CEP63: variants seen among roughly 807,000 people sequenced by gnomAD.
CEP63 encodes the protein centrosomal protein 63, also known as centrosomal protein of 63 kDa.
A neutral mutation model predicts 89.1 loss-of-function variants in CEP63; 84 were observed. The ratio of observed to expected loss-of-function variants is 0.94; its 90% confidence interval spans 0.79 to 1.13. CEP63 has a LOEUF of 1.13. Ranked by LOEUF, CEP63 falls within the 50% of genes most tolerant of loss-of-function variation. The pLI, the probability that CEP63 is intolerant of heterozygous loss-of-function variation, is 0.00. For missense variants in CEP63, 838 were observed against 813.3 expected, an observed-to-expected ratio of 1.03 and a Z score of -0.37; for synonymous variants, 267 against 272.5, an observed-to-expected ratio of 0.98 and a Z score of 0.20.
chr3:134,502,082 G>T (rs972839843), intron 2 of CEP63, among the ~76,000 whole-genome samples: 16 of 152,068 alleles, frequency 1.1e-4, no homozygotes, highest in Non-Finnish European at 2.2e-4. Flanking sequence ...GTCTATTGAG[G>T]TGATCATATG....
At chr3:134,543,496 A>T (rs986614865) in intron 6 of CEP63, among the ~76,000 whole-genome samples, 20 of 152,248 alleles carry the variant, frequency 1.3e-4, no homozygotes, top group Middle Eastern at 3.2e-3. Context: ...TTCAAAACTG[A>T]GAAGTTTATT....
At chr3:134,703,245 G>A in the CEP63 span, among the ~76,000 whole-genome samples, 6 of 145,576 alleles carry the variant, frequency 4.1e-5, no homozygotes, top group African/African-American at 1.5e-4. Flanking sequence ...GCACTGAGCC[G>A]AGATAGCGCC....
intron 1 of CEP63, among the ~76,000 whole-genome samples, chr3:134,493,820 G>T (rs867295506): frequency 6.6e-6 from 1 of 152,176 alleles, no homozygotes; most frequent in Middle Eastern, 3.4e-3. Flanking sequence ...ATTGAATTAC[G>T]TGTTGAGTAA....
the CEP63 span, among the ~76,000 whole-genome samples, chr3:134,638,840 A>C: frequency 5.9e-5 from 9 of 152,078 alleles, no homozygotes; most frequent in African/African-American, 1.9e-4. Context: ...AACAGGTTTC[A>C]TGTTTTTCAT....
chr3:134,601,600 C>T, the CEP63 span, among the ~76,000 whole-genome samples: 1 of 152,208 alleles, frequency 6.6e-6, no homozygotes, highest in African/African-American at 2.4e-5. Flanking sequence ...TGTTATGCCT[C>T]CGGGGCCTTT....
intron 1 of CEP63, chr3:134,488,063 T>C (rs1936255834): frequency 6.6e-6 from 1 of 152,252 alleles, no homozygotes; most frequent in Non-Finnish European, 1.5e-5. Flanking sequence ...GTCCGTGGCC[T>C]GTTAGGAACC....
intron 10 of CEP63, among the ~76,000 whole-genome samples, chr3:134,549,747 T>G (rs1331906335): frequency 6.6e-6 from 1 of 152,146 alleles, no homozygotes; most frequent in Non-Finnish European, 1.5e-5. Flanking sequence ...ACTTTTAGAT[T>G]CACAACTAAA....
At chr3:134,579,623 T>C (rs1958296976), downstream of CEP63, among the ~76,000 whole-genome samples, 1 of 152,240 alleles carries the variant, frequency 6.6e-6, no homozygotes, top group African/African-American at 2.4e-5. Flanking sequence ...CAGTTTTTAA[T>C]TGGGTTGTTT....
At chr3:134,633,971 T>C in the CEP63 span, among the ~76,000 whole-genome samples, 10 of 152,212 alleles carry the variant, frequency 6.6e-5, no homozygotes, top group Admixed American at 5.9e-4. Flanking sequence ...CATAAGCAAT[T>C]GGAGATGGCA....
At chr3:134,592,530 T>A (rs1287404141), downstream of CEP63, among the ~76,000 whole-genome samples, 1 of 99,900 alleles carries the variant, frequency 1.0e-5, no homozygotes, top group Non-Finnish European at 2.0e-5. Flanking sequence ...AGGAACTGAC[T>A]GACTGGCTTC....
chr3:134,778,123 G>C, the CEP63 span, among the ~76,000 whole-genome samples: 1 of 140,018 alleles, frequency 7.1e-6, no homozygotes, highest in African/African-American at 2.7e-5. Context: ...TTGAGACGGA[G>C]TTTCCCTCTT....
chr3:134,586,295 C>T (rs530739288), intron 10 of CEP63, among the ~76,000 whole-genome samples: 1 of 152,312 alleles, frequency 6.6e-6, no homozygotes, highest in East Asian at 1.9e-4. Flanking sequence ...CATCGATGGT[C>T]TTTACAATTT....
At chr3:134,757,858 C>A in the CEP63 span, among the ~76,000 whole-genome samples, 1 of 152,026 alleles carries the variant, frequency 6.6e-6, no homozygotes, top group Non-Finnish European at 1.5e-5. Flanking sequence ...AAGTTCTGAG[C>A]ACTTCCATGT....
chr3:134,532,778 T>C lies in CEP63; in HGVS notation c.319T>C (p.Leu107=). The C allele has an allele frequency of 6.3e-7, 1 of 1,598,390 alleles. No individual in the cohort carries two copies. The highest frequency in any genetic ancestry group is 1.1e-5 in the South Asian group (1 of 90,728). Residue 107 remains leucine (L), a splice_region_variant and synonymous_variant, in exon 5 of 15, where the codon TTA becomes CTA. Transcript: ENST00000675561. ...AATATAGAAATAACTGTTTCTACAG[T>C]TATGCATACTGAAGAGAAGCTATGA... The part of the protein sequence containing the change: ...KQELKKLHEE[L]CILKRSYEKL...
chr3:134,604,017 G>A, the CEP63 span: 8 of 1,613,884 alleles, frequency 5.0e-6, no homozygotes, highest in Admixed American at 8.3e-5. Flanking sequence ...GCTTCTCCCG[G>A]TGCAGCTGGA....
At chr3:134,566,590 T>C (rs1176494900), downstream of CEP63, among the ~76,000 whole-genome samples, 4 of 152,042 alleles carry the variant, frequency 2.6e-5, no homozygotes, top group African/African-American at 7.2e-5. Flanking sequence ...AGCTTTTCAA[T>C]AATAAAAAGA....
At chr3:134,651,164 C>T in the CEP63 span, 1 of 1,427,044 alleles carries the variant, frequency 7.0e-7, no homozygotes, top group Admixed American at 2.6e-5. Flanking sequence ...GGGCGCTACC[C>T]TAATGAAGCG....
chr3:134,684,597 T>C, the CEP63 span, among the ~76,000 whole-genome samples: 2 of 152,328 alleles, frequency 1.3e-5, no homozygotes, highest in South Asian at 2.1e-4. Context: ...AAGCAGGAAG[T>C]GCAAAGGTAG....
chr3:134,647,528 AGACTCAGGGC>A, the CEP63 span: 3 of 1,417,682 alleles, frequency 2.1e-6, no homozygotes, highest in Non-Finnish European at 3.0e-6. Flanking sequence ...CTGAGGTGGG[AGACTCAGGGC>A]AAAAGAGTGA....
Sources: allele counts gnomAD v4.1 joint callset (sites outside exome capture counted in the v4.1 genomes callset), GRCh38; gene constraint gnomAD v4.1.1; transcripts MANE v1.5; gene names NCBI Gene and HGNC (gene_info 2026-07-23, HGNC 2026-07-21).